PLCE1: variants seen among roughly 807,000 people sequenced by gnomAD.
PLCE1 encodes the protein phospholipase C epsilon 1.
PLCE1 carries 119 observed loss-of-function variants against 242.8 expected under a neutral mutation model. The observed-to-expected ratio is 0.49, with a 90% CI of 0.42 to 0.57. The LOEUF (loss-of-function observed/expected upper bound fraction) is 0.57, where lower values mean the gene tolerates loss of function less well. Ranked by LOEUF, PLCE1 falls within the 20% of genes least tolerant of loss-of-function variation. The pLI is 0.00. For missense variants in PLCE1, 2,441 were observed against 2,788.8 expected (o/e 0.88, Z 2.81); for synonymous variants, 945 against 1,017.4 (o/e 0.93, Z 1.35).
chr10:94,214,993 C>T (rs1055681837), intron 4 of PLCE1, among the ~76,000 whole-genome samples: 4 of 152,156 alleles, frequency 2.6e-5, no homozygotes, highest in African/African-American at 9.7e-5. Flanking sequence ...CATTCCAGTG[C>T]AGATGAGAAA....
intron 2 of PLCE1, among the ~76,000 whole-genome samples, chr10:94,126,559 G>A (rs1347475707): frequency 6.6e-6 from 1 of 152,198 alleles, no homozygotes. Flanking sequence ...ATCACTTGTT[G>A]AGTAAATGAA....
chr10:94,067,086 C>G (rs1318879939), intron 2 of PLCE1, among the ~76,000 whole-genome samples: 1 of 152,170 alleles, frequency 6.6e-6, no homozygotes, highest in Non-Finnish European at 1.5e-5. Context: ...AACAAAACCC[C>G]TATCTCTGCT....
intron 2 of PLCE1, among the ~76,000 whole-genome samples, chr10:94,122,266 G>T (rs138707179): frequency 3.3e-5 from 5 of 152,304 alleles, no homozygotes; most frequent in African/African-American, 9.6e-5. Context: ...CCTTAGAGCT[G>T]CAAGGAGCCT....
At chr10:94,268,838 C>A in intron 16 of PLCE1, 91 bp from the exon 17 acceptor site, 1 of 768,504 alleles carries the variant, frequency 1.3e-6, no homozygotes, top group East Asian at 2.5e-5. Flanking sequence ...AGTGTAAACA[C>A]TGCCTGATAT....
chr10:94,224,788 C>T (rs1242207604), intron 4 of PLCE1, among the ~76,000 whole-genome samples: 1 of 152,176 alleles, frequency 6.6e-6, no homozygotes, highest in Non-Finnish European at 1.5e-5. Context: ...CTCTAGTGAG[C>T]CAGGGTTTCA....
At chr10:94,255,161 G>T in intron 11 of PLCE1, 112 bp downstream of exon 11, 2 of 1,362,898 alleles carry the variant, frequency 1.5e-6, no homozygotes, top group Admixed American at 2.0e-5. Flanking sequence ...TTGATGTATA[G>T]TTGAACTGAA....
At chr10:94,101,056 T>C (rs1294061766) in intron 2 of PLCE1, among the ~76,000 whole-genome samples, 1 of 152,082 alleles carries the variant, frequency 6.6e-6, no homozygotes, top group Non-Finnish European at 1.5e-5. Flanking sequence ...TTTCTGCAGA[T>C]CCACAGGCCC....
At chr10:94,305,043 C>T (rs1230662998) in intron 25 of PLCE1, among the ~76,000 whole-genome samples, 1 of 152,120 alleles carries the variant, frequency 6.6e-6, no homozygotes, top group Non-Finnish European at 1.5e-5. Flanking sequence ...AAGTATATTT[C>T]CTCCGTATAA....
At chr10:94,055,313 C>G (rs1326055442) in intron 2 of PLCE1, among the ~76,000 whole-genome samples, 1 of 124,670 alleles carries the variant, frequency 8.0e-6, no homozygotes, top group East Asian at 2.4e-4. Context: ...TTTTTGTTGT[C>G]TTATTTTTTT....
chr10:94,067,250 T>G (rs1248838527), intron 2 of PLCE1, among the ~76,000 whole-genome samples: 1 of 152,178 alleles, frequency 6.6e-6, no homozygotes. Context: ...AAGGACTTCT[T>G]ATTTAAATAT....
At chr10:94,251,121 A>G (rs1422011642) in intron 8 of PLCE1, among the ~76,000 whole-genome samples, 2 of 152,210 alleles carry the variant, frequency 1.3e-5, no homozygotes, top group East Asian at 1.9e-4. Flanking sequence ...GACTATATCC[A>G]GTGGAGAATA....
At chr10:94,055,733 G>A (rs186549770) in intron 2 of PLCE1, among the ~76,000 whole-genome samples, 3 of 152,244 alleles carry the variant, frequency 2.0e-5, no homozygotes, top group African/African-American at 2.4e-5. Flanking sequence ...CACCCATAAA[G>A]TATTGATGGT....
intron 3 of PLCE1, among the ~76,000 whole-genome samples, chr10:94,157,262 A>T (rs901899687): frequency 3.9e-5 from 6 of 152,170 alleles, no homozygotes; most frequent in Admixed American, 1.3e-4. Context: ...AGGCCCCAGA[A>T]TTCCCTCTTC....
rs1008662231 is a variant in PLCE1 at position 94,332,657 on chromosome 10, G to A, written c.*4714G>A. On this transcript the variant is annotated 3_prime_UTR_variant, in exon 33 of 33. Transcript: ENST00000371380. The stretch of plus-strand genomic sequence containing the variant: ...ATGTATAATTTTGTAGTCCCACTGT[G>A]ATTCTCCATATGTATAACAAGAAAA... 1 of 152,090 alleles carries A rather than the reference G, an allele frequency of 6.6e-6. No homozygotes were observed. Among genetic ancestry groups the A allele is most frequent in the Non-Finnish European group, 1.5e-5 (1 of 68,010 alleles). The allele number at this position is 152,090 out of a possible 1,614,324, so 9.4% of individuals were successfully genotyped here.
In PLCE1 at chr10:94,032,073, G is replaced by A; in HGVS notation, c.1027G>A (p.Gly343Arg). 2 of 1,612,482 alleles carry A rather than the reference G, an allele frequency of 1.2e-6. No individual in the cohort carries two copies. The highest frequency in any genetic ancestry group is 1.3e-5 in the African/African-American group (1 of 74,792). ...DREVKKSVYT[G>R]TRAIVRTLPS... ...AGAAGTTAAGAAATCTGTGTATACT[G>A]GAACAAGAGCAATTGTGAGAACTCT... is the stretch of plus-strand genomic sequence containing the variant. Residue 343 changes from glycine to arginine, a missense_variant, in exon 2 of 33, where the codon GGA becomes AGA. Gly to Arg is a moderately radical substitution (Grantham distance 125, BLOSUM62 -2). Around this residue, in one of 5 missense-constraint regions of PLCE1, gnomAD observed 733 missense variants for 754.2 expected, o/e 0.97. Transcript: ENST00000371380.
intron 2 of PLCE1, among the ~76,000 whole-genome samples, chr10:94,116,104 C>T (rs1475164138): frequency 2.0e-5 from 3 of 152,168 alleles, no homozygotes; most frequent in Non-Finnish European, 4.4e-5. Flanking sequence ...CCTCCTGCTC[C>T]TTCCTCTCTC....
At chr10:94,084,575 T>C (rs1483833299) in intron 2 of PLCE1, among the ~76,000 whole-genome samples, 1 of 152,260 alleles carries the variant, frequency 6.6e-6, no homozygotes, top group Non-Finnish European at 1.5e-5. Context: ...AGGGCCCTTG[T>C]AAGTCTGGGC....
chr10:94,177,451 G>T (rs1197041728), intron 4 of PLCE1, among the ~76,000 whole-genome samples: 1 of 152,190 alleles, frequency 6.6e-6, no homozygotes, highest in Non-Finnish European at 1.5e-5. Flanking sequence ...GTCAAGATTT[G>T]TGTTGAACGT....
At chr10:94,285,377 A>T (rs1260445259) in intron 22 of PLCE1, among the ~76,000 whole-genome samples, 2 of 152,172 alleles carry the variant, frequency 1.3e-5, no homozygotes, top group Non-Finnish European at 2.9e-5. Context: ...AATTTGCCCC[A>T]AGTTTCAGAG....
Sources: gnomAD v4.1 joint callset for allele counts (sites outside exome capture counted in the v4.1 genomes callset) on GRCh38, gnomAD v4.1.1 for gene constraint, gnomAD v4.1.1 regional missense constraint, MANE v1.5 for transcripts, NCBI Gene and HGNC (gene_info 2026-07-23, HGNC 2026-07-21) for gene names.